The following TUT4 variants were observed in gnomAD, a reference collection of about 807,000 sequenced individuals.
TUT4 encodes terminal uridylyltransferase 4.
In TUT4, 36 loss-of-function variants were observed where a neutral mutation model predicts 192.2. That is an observed-to-expected ratio of 0.19 (90% CI 0.14 to 0.25). The LOEUF is 0.25. TUT4 is among the 10% of genes least tolerant of loss of function. TUT4 has a pLI of 1.00. For missense variants in TUT4, 1,493 were observed against 1,957.2 expected (o/e 0.76, Z 4.47); for synonymous variants, 618 against 666.0 (o/e 0.93, Z 1.11).
intron 24 of TUT4, among the ~76,000 whole-genome samples, chr1:52,439,779 C>G (rs1463021924): frequency 6.6e-6 from 1 of 151,974 alleles, no homozygotes; most frequent in African/African-American, 2.4e-5. Context: ...AAGTATATAC[C>G]AAGAGAAATA....
intron 24 of TUT4, among the ~76,000 whole-genome samples, chr1:52,438,651 C>A (rs997514221): frequency 1.3e-5 from 2 of 152,198 alleles, no homozygotes; most frequent in Non-Finnish European, 2.9e-5. Context: ...GAGTTCAGGT[C>A]ATTTGCCCAT....
At chr1:52,468,492 G>T in intron 14 of TUT4, 1 of 441,272 alleles carries the variant, frequency 2.3e-6, no homozygotes, top group South Asian at 3.2e-5. Context: ...GAAAATAAAT[G>T]AAACAGAAAA....
chr1:52,468,226 G>T lies in TUT4; in HGVS notation c.2920C>A (p.Gln974Lys). 1 of 1,609,956 alleles carries T rather than the reference G, an allele frequency of 6.2e-7. No individual in the cohort carries two copies. Among genetic ancestry groups the T allele is most frequent in the Admixed American group, 1.7e-5 (1 of 58,968 alleles). ...PPCSEQHNRE[Q>K]ILIGLEKFIQ... ...AACTTTTCCAAGCCAATTAAAATTT[G>T]CTCCCTGTTGTGTTGTTCAGAACAA... The change falls in exon 15 of 30, where the codon CAA (glutamine) becomes AAA (lysine). Residue 974 changes from glutamine to lysine, a missense_variant. By Grantham distance (53) the Gln-to-Lys change is moderately conservative. Coordinates refer to ENST00000257177, the MANE Select transcript of TUT4 (RefSeq NM_001009881.3).
At position 52,475,109 on chromosome 1, in the gene TUT4, T is replaced by C. The variant is rs1034120009; in HGVS notation, c.2450A>G (p.Asp817Gly). 3 of 1,614,032 alleles carry C rather than the reference T, an allele frequency of 1.9e-6. No individual in the cohort carries two copies. The highest frequency in any genetic ancestry group is 1.7e-6 in the Non-Finnish European group (2 of 1,180,028). The part of the protein sequence containing the change: ...EIEPKLDKKQ[D>G]DLAPSETCLK... ...ACAAGTTTCTGAAGGCGCTAAATCA[T>C]CTTGTTTCTTATCTAATTTTGGCTC... Residue 817 changes from aspartate to glycine, a missense_variant, in exon 13 of 30, where the codon GAT (aspartate) becomes GGT (glycine). Asp to Gly is a moderately conservative substitution (Grantham distance 94). Coordinates refer to ENST00000257177, the MANE Select transcript of TUT4 (RefSeq NM_001009881.3).
chr1:52,492,675 T>G (rs1234252672), intron 7 of TUT4, among the ~76,000 whole-genome samples: 1 of 152,250 alleles, frequency 6.6e-6, no homozygotes, highest in Non-Finnish European at 1.5e-5. Flanking sequence ...ATTCACTTTG[T>G]AACAAGAAAA....
chr1:52,515,968 A>G lies in TUT4; in HGVS notation c.805T>C (p.Leu269=). ...AACCCCAGCCTCTGCTCAGGTGTCA[A>G]TGCAGATTCATCTATCACAGTGGCA... ...ENATVIDESA[L]TPEQRLGLKQ... is the part of the protein sequence containing the mutation. The change falls in exon 3 of 30, where the codon TTG becomes CTG. Residue 269 remains leucine, a synonymous_variant. Transcript: ENST00000257177. The G allele has an allele frequency of 6.2e-7, 1 of 1,613,582 alleles. No homozygotes were observed. Among genetic ancestry groups the G allele is most frequent in the Non-Finnish European group, 8.5e-7 (1 of 1,179,892 alleles).
intron 25 of TUT4, chr1:52,437,226 G>C (rs1275453235): frequency 1.1e-5 from 4 of 377,896 alleles, no homozygotes; most frequent in African/African-American, 8.3e-5. Flanking sequence ...ACAATCCTTA[G>C]AGGTTGATAT....
At chr1:52,469,055 T>G (rs1014144587) in intron 14 of TUT4, among the ~76,000 whole-genome samples, 10 of 150,740 alleles carry the variant, frequency 6.6e-5, no homozygotes, top group Non-Finnish European at 1.2e-4. Flanking sequence ...AAAATTAATG[T>G]AATTCGTTAA....
intron 13 of TUT4, among the ~76,000 whole-genome samples, chr1:52,473,693 T>A: frequency 6.6e-6 from 1 of 152,128 alleles, no homozygotes; most frequent in Non-Finnish European, 1.5e-5. Flanking sequence ...GCTAGATGAC[T>A]TTCCTTTTGT....
At chr1:52,512,822 C>A (rs1321194745) in intron 3 of TUT4, among the ~76,000 whole-genome samples, 1 of 151,550 alleles carries the variant, frequency 6.6e-6, no homozygotes, top group African/African-American at 2.4e-5. Context: ...TGGTACAGAG[C>A]AAAAGTCTAC....
chr1:52,493,800 G>T, intron 6 of TUT4, 138 bp from the exon 7 acceptor site: 2 of 634,490 alleles, frequency 3.2e-6, no homozygotes, highest in Non-Finnish European at 5.4e-6. Context: ...AAACAGAATC[G>T]TGTTTTTTTT....
intron 3 of TUT4, among the ~76,000 whole-genome samples, chr1:52,511,211 A>T (rs1677057644): frequency 1.3e-5 from 2 of 152,212 alleles, no homozygotes. Context: ...AATCTCAGGG[A>T]TTAATTTGCC....
chr1:52,461,414 C>G, intron 18 of TUT4, 99 bp downstream of exon 18: 1 of 1,291,492 alleles, frequency 7.7e-7, no homozygotes, highest in Middle Eastern at 2.3e-4. Context: ...AATACTTTTT[C>G]CTTATACTGT....
intron 1 of TUT4, among the ~76,000 whole-genome samples, chr1:52,552,073 G>A (rs1257541389): frequency 6.6e-6 from 1 of 152,124 alleles, no homozygotes; most frequent in Non-Finnish European, 1.5e-5. Context: ...CAGATATACG[G>A]TATCTAAGAT....
At chr1:52,466,974 AT>A (rs985393780) in intron 15 of TUT4, among the ~76,000 whole-genome samples, 3 of 151,966 alleles carry the variant, frequency 2.0e-5, no homozygotes, top group African/African-American at 4.8e-5. Context: ...GCCAAAAAAA[AT>A]ATTTCTTAAT....
intron 4 of TUT4, among the ~76,000 whole-genome samples, chr1:52,498,905 TATATATATATATA>T (rs1673266216): frequency 9.9e-3 from 20 of 2,012 alleles, no homozygotes; most frequent in African/African-American, 0.013. Context: ...AAAAAAATTA[TATATATATATATA>T]TATATATATA....
At chr1:52,442,457 CTA>C (rs1655942470) in intron 24 of TUT4, among the ~76,000 whole-genome samples, 1 of 152,148 alleles carries the variant, frequency 6.6e-6, no homozygotes, top group African/African-American at 2.4e-5. Flanking sequence ...GCATGAAAGA[CTA>C]TGTACAAGGA....
chr1:52,458,632 AG>A (rs1293465074), intron 19 of TUT4, among the ~76,000 whole-genome samples, 183 bp from the exon 20 acceptor site: 2 of 152,166 alleles, frequency 1.3e-5, no homozygotes, highest in Non-Finnish European at 2.9e-5. Flanking sequence ...GCTTCAGCCC[AG>A]GAAGTCAAGA....
intron 20 of TUT4, among the ~76,000 whole-genome samples, chr1:52,447,461 CAA>C (rs200333367): frequency 2.7e-5 from 3 of 111,550 alleles, no homozygotes; most frequent in African/African-American, 1.2e-4. Context: ...CAAAAAAAAA[CAA>C]AAAAACAAAA....
Sources: gnomAD v4.1 joint callset for allele counts (sites outside exome capture counted in the v4.1 genomes callset) on GRCh38, gnomAD v4.1.1 for gene constraint, MANE v1.5 for transcripts, NCBI Gene and HGNC (gene_info 2026-07-23, HGNC 2026-07-21) for gene names.